The following PRKCB variants were observed in gnomAD, a reference collection of about 807,000 sequenced individuals.
PRKCB encodes protein kinase C beta.
A neutral mutation model predicts 81.5 loss-of-function variants in PRKCB; 13 were observed. That is an observed-to-expected ratio of 0.16 (90% confidence interval 0.10 to 0.25). PRKCB has a LOEUF of 0.25. Among genes scored for constraint, PRKCB ranks in the 10% least tolerant of loss-of-function variants. The probability of loss-of-function intolerance (pLI) is 1.00; values close to 1 mark genes in which losing one functional copy is unlikely to be tolerated. For missense variants in PRKCB, 509 were observed against 875.7 expected (o/e 0.58, Z 5.29); for synonymous variants, 335 against 321.4 (o/e 1.04, Z -0.45).
At chr16:24,134,920 T>C (rs1966859975) in intron 9 of PRKCB, among the ~76,000 whole-genome samples, 1 of 151,890 alleles carries the variant, frequency 6.6e-6, no homozygotes, top group South Asian at 2.1e-4. Flanking sequence ...CTTATATATT[T>C]AGAAAGCTGC....
At chr16:23,953,291 G>C (rs142629898) in intron 2 of PRKCB, among the ~76,000 whole-genome samples, 2 of 152,178 alleles carry the variant, frequency 1.3e-5, no homozygotes, top group African/African-American at 4.8e-5. Flanking sequence ...TATTGACTTC[G>C]GGGCTGACAT....
chr16:24,158,075 C>G (rs920998483), intron 10 of PRKCB, among the ~76,000 whole-genome samples: 1 of 152,056 alleles, frequency 6.6e-6, no homozygotes, highest in Non-Finnish European at 1.5e-5. Context: ...TAACCTATCT[C>G]TAGGGATTGT....
intron 5 of PRKCB, among the ~76,000 whole-genome samples, chr16:24,062,462 C>T (rs1363971436): frequency 6.6e-6 from 1 of 152,256 alleles, no homozygotes; most frequent in Non-Finnish European, 1.5e-5. Flanking sequence ...CATGACCAAA[C>T]CCAGATGCAG....
chr16:23,953,685 C>T (rs920102023), intron 2 of PRKCB, among the ~76,000 whole-genome samples: 6 of 152,150 alleles, frequency 3.9e-5, no homozygotes, highest in Non-Finnish European at 5.9e-5. Flanking sequence ...AGATGTAATG[C>T]GTGAGCACAT....
intron 9 of PRKCB, among the ~76,000 whole-genome samples, chr16:24,130,758 C>T (rs1966852226): frequency 6.6e-6 from 1 of 152,156 alleles, no homozygotes; most frequent in African/African-American, 2.4e-5. Flanking sequence ...GGAGGAGGCA[C>T]AAGCTGCTTC....
chr16:23,943,060 C>T (rs1964157800), intron 2 of PRKCB, among the ~76,000 whole-genome samples: 1 of 152,186 alleles, frequency 6.6e-6, no homozygotes, highest in African/African-American at 2.4e-5. Flanking sequence ...ACTTTAGAAA[C>T]AAGAGGCAAT....
chr16:23,891,571 G>A (rs904110904), intron 2 of PRKCB, among the ~76,000 whole-genome samples: 2 of 152,122 alleles, frequency 1.3e-5, no homozygotes, highest in African/African-American at 4.8e-5. Context: ...AATTTTCTAT[G>A]TTAGGCCTAT....
At chr16:24,136,794 AAAC>A in intron 9 of PRKCB, among the ~76,000 whole-genome samples, 1 of 152,168 alleles carries the variant, frequency 6.6e-6, no homozygotes. Context: ...AGAAAGAAGA[AAAC>A]GACGGGCCTG....
intron 2 of PRKCB, among the ~76,000 whole-genome samples, chr16:23,907,545 C>T (rs972741590): frequency 4.6e-5 from 7 of 152,238 alleles, no homozygotes; most frequent in African/African-American, 1.7e-4. Flanking sequence ...GGATTATGGG[C>T]GTGAGCCACT....
At chr16:23,907,496 C>T (rs1963578681) in intron 2 of PRKCB, among the ~76,000 whole-genome samples, 1 of 152,204 alleles carries the variant, frequency 6.6e-6, no homozygotes, top group Non-Finnish European at 1.5e-5. Flanking sequence ...AAACTGCTGG[C>T]CACAAGCAAT....
At chr16:24,150,865 C>CCT (rs1479046091) in intron 9 of PRKCB, among the ~76,000 whole-genome samples, 4 of 152,204 alleles carry the variant, frequency 2.6e-5, no homozygotes, top group Non-Finnish European at 2.9e-5. Flanking sequence ...TAAATTTTTG[C>CCT]TATGCCTTAT....
intron 8 of PRKCB, among the ~76,000 whole-genome samples, chr16:24,122,359 G>A (rs904811524): frequency 9.3e-5 from 14 of 151,322 alleles, no homozygotes; most frequent in Non-Finnish European, 1.9e-4. Flanking sequence ...ATAATGGGAT[G>A]GTATATATAT....
rs1380639231 is a variant in PRKCB at position 24,218,998 on chromosome 16, G to A, written c.*4182G>A. ...TTCTCTCATATGTCATATATAGGAG[G>A]TGAGGACTCCAGCTCCACCTGCCCC... On this transcript the variant is annotated 3_prime_UTR_variant, in exon 17 of 17. Transcript: ENST00000643927. The A allele has an allele frequency of 1.0e-6, 1 of 985,122 alleles. No homozygotes were observed. Among genetic ancestry groups the A allele is most frequent in the African/African-American group, 1.7e-5 (1 of 57,208 alleles). The allele number at this position is 985,122 out of a possible 1,614,324, so 61.0% of individuals were successfully genotyped here.
intron 9 of PRKCB, among the ~76,000 whole-genome samples, chr16:24,145,217 A>C (rs1966970782): frequency 6.6e-6 from 1 of 152,174 alleles, no homozygotes. Flanking sequence ...AGGAGGACAG[A>C]GGAAAGCCTT....
chr16:23,868,036 T>A (rs1962836742), intron 2 of PRKCB, among the ~76,000 whole-genome samples: 1 of 152,000 alleles, frequency 6.6e-6, no homozygotes, highest in African/African-American at 2.4e-5. Context: ...GATCTTCCCC[T>A]ACGGATTTGT....
intron 5 of PRKCB, among the ~76,000 whole-genome samples, chr16:24,090,193 T>C (rs1966360664): frequency 6.6e-6 from 1 of 152,156 alleles, no homozygotes; most frequent in Admixed American, 6.5e-5. Flanking sequence ...GCTTTTGGTG[T>C]AAAAATGAGA....
intron 3 of PRKCB, among the ~76,000 whole-genome samples, chr16:24,007,782 G>A (rs939289575): frequency 7.5e-4 from 114 of 152,314 alleles, no homozygotes; most frequent in African/African-American, 2.5e-3. Flanking sequence ...CGTAATTTCT[G>A]GAGCCTGCAG....
rs537251878 is a variant in PRKCB at position 24,043,275 on chromosome 16, A to AT, written c.529+7736dup. 3.0e-4 allele frequency among the ~76,000 whole-genome samples: 46 copies of AT among 151,936 alleles called. No homozygotes were observed. The South Asian group carries it at 3.3e-3, about 11-fold the overall frequency. ...TGACATGAAACTTAATAGTTGTTCA[A>AT]TTTTTTTTGTTTGTTTTTTGAGGAG... On this transcript the variant is annotated intron_variant, in intron 5 of 16. Transcript: ENST00000643927.
At chr16:23,888,684 T>C (rs1483564537) in intron 2 of PRKCB, among the ~76,000 whole-genome samples, 1 of 152,100 alleles carries the variant, frequency 6.6e-6, no homozygotes, top group Non-Finnish European at 1.5e-5. Flanking sequence ...GACCACAACC[T>C]GTCTGGACCT....
Sources: gnomAD v4.1 joint callset for allele counts (sites outside exome capture counted in the v4.1 genomes callset) on GRCh38, gnomAD v4.1.1 for gene constraint, MANE v1.5 for transcripts, NCBI Gene and HGNC (gene_info 2026-07-23, HGNC 2026-07-21) for gene names.